The following ADCY2 variants were observed in gnomAD, a reference collection of about 807,000 sequenced individuals.
ADCY2 encodes the protein adenylate cyclase type 2.
In ADCY2, 31 loss-of-function variants were observed where a neutral mutation model predicts 125.2. That is an observed-to-expected ratio of 0.25 (90% CI 0.19 to 0.33). The LOEUF (loss-of-function observed/expected upper bound fraction) is 0.33. ADCY2 is among the 10% of genes least tolerant of loss of function. The pLI, the probability that ADCY2 is intolerant of heterozygous loss-of-function variation, is 1.00. For missense variants in ADCY2, 904 were observed against 1,418.2 expected (o/e 0.64, Z 5.82); for synonymous variants, 512 against 548.4 (o/e 0.93, Z 0.93).
intron 2 of ADCY2, among the ~76,000 whole-genome samples, chr5:7,483,508 A>C (rs1234137140): frequency 6.6e-6 from 1 of 152,210 alleles, no homozygotes; most frequent in African/African-American, 2.4e-5. Context: ...CATGAATGTC[A>C]TGTAAAAATG....
At chr5:7,442,447 A>G (rs1020816752) in intron 2 of ADCY2, among the ~76,000 whole-genome samples, 1 of 152,046 alleles carries the variant, frequency 6.6e-6, no homozygotes, top group African/African-American at 2.4e-5. Context: ...TTAACTTTTA[A>G]TTTTTGGAGG....
At chr5:7,727,955 A>G (rs188043136) in intron 14 of ADCY2, among the ~76,000 whole-genome samples, 324 of 152,302 alleles carry the variant, frequency 2.1e-3, no homozygotes, top group Non-Finnish European at 4.1e-3. Context: ...ACTTTCTTCA[A>G]GAAAGCTAAT....
intron 2 of ADCY2, among the ~76,000 whole-genome samples, chr5:7,471,526 GCTATTTTT>G (rs1742337800): frequency 6.6e-6 from 1 of 151,710 alleles, no homozygotes; most frequent in Non-Finnish European, 1.5e-5. Flanking sequence ...CCATTTTTGT[GCTATTTTT>G]ATATATCTTA....
intron 4 of ADCY2, among the ~76,000 whole-genome samples, chr5:7,657,371 G>A (rs1172721284): frequency 6.6e-6 from 1 of 152,236 alleles, no homozygotes; most frequent in Admixed American, 6.5e-5. Flanking sequence ...TATGCAGAAT[G>A]TGTAGATTAG....
intron 2 of ADCY2, among the ~76,000 whole-genome samples, chr5:7,437,466 G>A (rs1408760879): frequency 6.6e-6 from 1 of 152,228 alleles, no homozygotes; most frequent in Admixed American, 6.5e-5. Flanking sequence ...CACTTTCAGT[G>A]TCACCGTGCA....
At chr5:7,649,227 T>C (rs1214245388) in intron 4 of ADCY2, among the ~76,000 whole-genome samples, 1 of 152,232 alleles carries the variant, frequency 6.6e-6, no homozygotes, top group East Asian at 1.9e-4. Context: ...ACATTGATAT[T>C]AAAAACAATT....
chr5:7,463,648 C>A (rs1008298023), intron 2 of ADCY2, among the ~76,000 whole-genome samples: 21 of 150,120 alleles, frequency 1.4e-4, no homozygotes, highest in Non-Finnish European at 2.1e-4. Flanking sequence ...AGAATGAGAT[C>A]GTCCTGAAAA....
chr5:7,654,348 G>A (rs1248204045), intron 4 of ADCY2, among the ~76,000 whole-genome samples: 3 of 152,140 alleles, frequency 2.0e-5, no homozygotes, highest in Non-Finnish European at 4.4e-5. Context: ...AAACGGGATC[G>A]AGAGAAGGTT....
At chr5:7,518,621 A>G (rs1469734193) in intron 2 of ADCY2, among the ~76,000 whole-genome samples, 1 of 152,166 alleles carries the variant, frequency 6.6e-6, no homozygotes. Flanking sequence ...CCTTTTAAAT[A>G]TAGATTGAAT....
In ADCY2 at chr5:7,714,387, C is replaced by T. The variant is rs1009151744; in HGVS notation, c.1622+1488C>T. ...AATGTGTCATGGAACCCCAGTATTACGTGGGGCAGCGTAAGCCGGGATGAG... is the reference window on the plus strand; with the variant it reads ...AATGTGTCATGGAACCCCAGTATTATGTGGGGCAGCGTAAGCCGGGATGAG... On this transcript the variant is annotated intron_variant, in intron 11 of 24. Transcript: ENST00000338316. Among the ~76,000 whole-genome samples the T allele has an allele frequency of 4.6e-5, 7 of 152,184 alleles. No individual in the cohort carries two copies. The East Asian group carries it at 5.8e-4, about 13-fold the overall frequency.
At chr5:7,685,915 T>C (rs765907455) in intron 4 of ADCY2, among the ~76,000 whole-genome samples, 13 of 152,192 alleles carry the variant, frequency 8.5e-5, no homozygotes, top group Non-Finnish European at 1.3e-4. Context: ...GGATCTGGTG[T>C]TTGTCCACTC....
intron 17 of ADCY2, among the ~76,000 whole-genome samples, chr5:7,772,087 C>A (rs973731919): frequency 2.6e-5 from 4 of 152,166 alleles, no homozygotes; most frequent in Non-Finnish European, 5.9e-5. Context: ...CAATGACCTA[C>A]AAGGAGAATA....
intron 2 of ADCY2, among the ~76,000 whole-genome samples, chr5:7,505,910 T>G (rs1743794280): frequency 6.6e-6 from 1 of 152,216 alleles, no homozygotes; most frequent in Non-Finnish European, 1.5e-5. Context: ...GACATGAATA[T>G]TCATAAGGAC....
At position 7,793,176 on chromosome 5, in the gene ADCY2, C is replaced by T. The variant is rs947262584; in HGVS notation, c.2628+3376C>T. Among the ~76,000 whole-genome samples, 11 of 152,194 alleles carry T rather than the reference C, an allele frequency of 7.2e-5. No individual in the cohort carries two copies. In the Middle Eastern group the frequency reaches 0.01, roughly 141 times the overall value. On this transcript the variant is annotated intron_variant, in intron 20 of 24. Coordinates refer to ENST00000338316, the MANE Select transcript of ADCY2 (RefSeq NM_020546.3). Reference sequence around the variant, plus strand: ...AAAGACACACAGTGTCAGCTGGGTGCGGTGGCTCAGGCCTGTAATCTCAGC... The same window carrying T: ...AAAGACACACAGTGTCAGCTGGGTGTGGTGGCTCAGGCCTGTAATCTCAGC...
chr5:7,753,425 A>G (rs1742889426), intron 15 of ADCY2, among the ~76,000 whole-genome samples: 1 of 152,240 alleles, frequency 6.6e-6, no homozygotes, highest in Non-Finnish European at 1.5e-5. Context: ...AAGATCAAAG[A>G]AAATGACTCC....
chr5:7,403,773 T>C (rs1739358527), intron 1 of ADCY2, among the ~76,000 whole-genome samples: 1 of 152,210 alleles, frequency 6.6e-6, no homozygotes, highest in Admixed American at 6.5e-5. Context: ...TTGAGATTCA[T>C]TTACCTATTT....
At chr5:7,587,845 T>G (rs1427983630) in intron 3 of ADCY2, among the ~76,000 whole-genome samples, 2 of 152,120 alleles carry the variant, frequency 1.3e-5, no homozygotes, top group African/African-American at 2.4e-5. Flanking sequence ...ATCGGTTGAT[T>G]AGGGGTTCAG....
At chr5:7,662,806 G>A (rs1474203823) in intron 4 of ADCY2, among the ~76,000 whole-genome samples, 3 of 152,196 alleles carry the variant, frequency 2.0e-5, no homozygotes, top group African/African-American at 7.2e-5. Flanking sequence ...GGGCTTTACA[G>A]AAGGCAACAA....
chr5:7,516,048 A>C (rs571644265), intron 2 of ADCY2, among the ~76,000 whole-genome samples: 2 of 152,242 alleles, frequency 1.3e-5, no homozygotes, highest in South Asian at 4.1e-4. Context: ...GTAGAATGCT[A>C]TCTGGATTAG....
Sources: gnomAD v4.1 joint callset for allele counts (sites outside exome capture counted in the v4.1 genomes callset) on GRCh38, gnomAD v4.1.1 for gene constraint, MANE v1.5 for transcripts, NCBI Gene and HGNC (gene_info 2026-07-23, HGNC 2026-07-21) for gene names.